Variants in CCDC88B observed in about 807,000 individuals in gnomAD.
CCDC88B encodes coiled-coil domain-containing protein 88B.
Under a neutral mutation model 183.7 loss-of-function variants are expected in CCDC88B, and 138 were observed. The ratio of observed to expected loss-of-function variants is 0.75; its 90% CI spans 0.65 to 0.87. The LOEUF is 0.87. Ranked by LOEUF, CCDC88B falls within the 40% of genes least tolerant of loss-of-function variation. The pLI is 0.00. For synonymous variants in CCDC88B, 835 were observed against 867.5 expected (o/e 0.96, Z 0.66); for missense variants, 1,822 against 1,965.6 (o/e 0.93, Z 1.38).
chr11:64,357,323 G>C lies in CCDC88B; in HGVS notation c.*229G>C. 1.4e-6 allele frequency: 1 copy of C among 721,736 alleles called. No homozygotes were observed. The highest frequency in any genetic ancestry group is 2.6e-6 in the Non-Finnish European group (1 of 388,798). The allele number at this position is 721,736 out of a possible 1,614,324, so 44.7% of individuals were successfully genotyped here. Reference sequence around the variant, plus strand: ...GGCCCCCACGAGCAGCTCCAGGCTGGAGTTCTGGTTCTTCCAGGTGGCTCC... The same window carrying C: ...GGCCCCCACGAGCAGCTCCAGGCTGCAGTTCTGGTTCTTCCAGGTGGCTCC... On this transcript the variant is annotated 3_prime_UTR_variant, in exon 27 of 27. Coordinates refer to ENST00000356786, the MANE Select transcript of CCDC88B (RefSeq NM_032251.6).
At chr11:64,348,935 C>T (rs752507628) in intron 14 of CCDC88B, 229 of 707,178 alleles carry the variant, frequency 3.2e-4, no homozygotes, top group Non-Finnish European at 4.8e-4. Context: ...CAAGGTCTCT[C>T]ACCCGACCCA....
chr11:64,342,210 C>T, intron 8 of CCDC88B, 71 bp downstream of exon 8: 1 of 1,584,840 alleles, frequency 6.3e-7, no homozygotes, highest in South Asian at 1.1e-5. Flanking sequence ...GACCCTAGCC[C>T]TGGTGGCTAC....
chr11:64,350,122 C>T (rs2036270175), intron 16 of CCDC88B: 2 of 188,672 alleles, frequency 1.1e-5, no homozygotes, highest in Non-Finnish European at 2.3e-5. Flanking sequence ...TAACTAGGTG[C>T]CAGGGGCTGT....
chr11:64,346,843 C>T (rs1273484524), intron 14 of CCDC88B, among the ~76,000 whole-genome samples: 1 of 150,160 alleles, frequency 6.7e-6, no homozygotes, highest in African/African-American at 2.5e-5. Context: ...CCCTCTGTCA[C>T]CAGGCTGGAG....
intron 3 of CCDC88B, 43 bp from the exon 4 acceptor site, chr11:64,341,066 C>T (rs1357210414): frequency 1.9e-6 from 3 of 1,613,694 alleles, no homozygotes; most frequent in Non-Finnish European, 2.5e-6. Context: ...AAGAGGAGCC[C>T]CTTCGGGAAG....
intron 24 of CCDC88B, among the ~76,000 whole-genome samples, chr11:64,354,718 A>G (rs1292314395): frequency 6.1e-5 from 1 of 16,300 alleles, no homozygotes; most frequent in Non-Finnish European, 1.2e-4. Flanking sequence ...CCTCCCCTGC[A>G]TGAACCTCAG....
At chr11:64,342,959 C>T (rs1297317146) in intron 10 of CCDC88B, among the ~76,000 whole-genome samples, 1 of 146,704 alleles carries the variant, frequency 6.8e-6, no homozygotes, top group Non-Finnish European at 1.5e-5. Flanking sequence ...AAGGGCGGGG[C>T]CTGCACAAAG....
rs760513236 is a variant in CCDC88B, at chr11:64,353,312, C to T, written c.3688-39C>T. On this transcript the variant is annotated intron_variant, in intron 21 of 26. Transcript: ENST00000356786. ...AAGCCTAGACCCAGGTGGTCCTGAG[C>T]TGGGTCCCACCCTCCGAGCCATGGT... 10 of 1,604,970 alleles carry T rather than the reference C, an allele frequency of 6.2e-6. No individual in the cohort carries two copies. The Admixed American group carries it at 1.0e-4, about 16-fold the overall frequency.
At chr11:64,342,220 C>A in intron 8 of CCDC88B, 74 bp from the exon 9 acceptor site, 1 of 1,580,024 alleles carries the variant, frequency 6.3e-7, no homozygotes, top group Non-Finnish European at 8.6e-7. Flanking sequence ...CTGGTGGCTA[C>A]GGGAGGGGTC....
rs757689018 is a variant in CCDC88B at position 64,343,622 on chromosome 11, G to GA, written c.1318+8dup. On this transcript the variant is annotated splice_region_variant and intron_variant, in intron 12 of 26. Transcript: ENST00000356786. ...CCAGGATCCCCTGGGGAGGGTGAGG[G>GA]ACCCCACTGGAAGGGCTGGGGTGGG... 2.4e-5 allele frequency: 37 copies of GA among 1,550,886 alleles called. No individual in the cohort carries two copies. The highest frequency in any genetic ancestry group is 2.9e-5 in the Non-Finnish European group (33 of 1,146,694).
Position 64,341,156 on chromosome 11 carries a change from A to T in CCDC88B, c.366A>T (p.Thr122=), listed in dbSNP as rs1319079536. The change falls in exon 4 of 27, where the codon ACA becomes ACT. Residue 122 remains threonine, a synonymous_variant. Transcript: ENST00000356786. ...TGTCGCCACCCCCAGACCTCCAGAC[A>T]TTGGGATTTGACCCTCTCTCAGGTG... ...LILSPPPDLQ[T]LGFDPLSEEA... 1 of 1,613,832 alleles carries T rather than the reference A, an allele frequency of 6.2e-7. No individual in the cohort carries two copies. Among genetic ancestry groups the T allele is most frequent in the African/African-American group, 1.3e-5 (1 of 74,818 alleles).
rs1001499368 is a variant in CCDC88B, at chr11:64,343,878, G to T, written c.1419G>T (p.Gly473=). Residue 473 remains glycine (G), a synonymous_variant, in exon 13 of 27, where the codon GGG becomes GGT. Coordinates refer to ENST00000356786, the MANE Select transcript of CCDC88B (RefSeq NM_032251.6). ...AGAGGGAGAACCGGGAGCTTCGGGG[G>T]CTGCTTCAGGTGCTTCAGGGGCAGC... ...TLERENRELR[G]LLQVLQGQPG... 15 of 1,605,476 alleles carry T rather than the reference G, an allele frequency of 9.3e-6. No homozygotes were observed. The highest frequency in any genetic ancestry group is 1.2e-5 in the Non-Finnish European group (14 of 1,176,462).
chr11:64,355,703 T>C, intron 26 of CCDC88B, 75 bp downstream of exon 26: 1 of 1,361,610 alleles, frequency 7.3e-7, no homozygotes, highest in Admixed American at 2.4e-5. Context: ...ATTCATCCAT[T>C]CTTTCATTCG....
Position 64,357,125 on chromosome 11 carries a change from G to A in CCDC88B, c.*31G>A. 2 of 1,613,382 alleles carry A rather than the reference G, an allele frequency of 1.2e-6. No homozygotes were observed. The highest frequency in any genetic ancestry group is 1.7e-6 in the Non-Finnish European group (2 of 1,179,510). ...TGGGAACAGCAGGCTTGGGAGTGCA[G>A]CCTTCTCGGCACTGGAGTGTCAGCG... On this transcript the variant is annotated 3_prime_UTR_variant, in exon 27 of 27. Transcript: ENST00000356786.
intron 9 of CCDC88B, 25 bp downstream of exon 9, chr11:64,342,400 C>G (rs1296238419): frequency 6.4e-7 from 1 of 1,558,462 alleles, no homozygotes; most frequent in Admixed American, 1.9e-5. Context: ...TCCCCGCCAC[C>G]GCGGCATTCC....
rs374358386 is a variant in CCDC88B at position 64,344,571 on chromosome 11, C to T, written c.2030C>T (p.Ala677Val). The T allele has an allele frequency of 1.2e-6, 2 of 1,607,078 alleles. No individual in the cohort carries two copies. Among genetic ancestry groups the T allele is most frequent in the African/African-American group, 2.7e-5 (2 of 74,736 alleles). The change falls in exon 14 of 27, where the codon GCA becomes GTA. Residue 677 changes from alanine to valine, a missense_variant. Transcript: ENST00000356786. The surrounding 1 kb of genome is among the most constrained non-coding windows in gnomAD (Gnocchi z 4.5). ...NQGLDLATGQ[A>V]EAREHDQRLE... ...GGCCTGGACCTGGCCACGGGACAAG[C>T]AGAGGCCAGAGAGCATGACCAGAGG... is the stretch of plus-strand genomic sequence containing the variant.
rs746698240 is a variant in CCDC88B at position 64,344,160 on chromosome 11, T to C, written c.1619T>C (p.Val540Ala). Residue 540 changes from valine to alanine, a missense_variant, in exon 14 of 27, where the codon GTG becomes GCG. Coordinates refer to ENST00000356786, the MANE Select transcript of CCDC88B (RefSeq NM_032251.6). The surrounding 1 kb of genome is among the most constrained non-coding windows in gnomAD (Gnocchi z 4.5). ...TTGGCTCCCCCGGCATTAGACTCAG[T>C]GCTCGAGGCATCAGCTGAGTGTCCC... The part of the protein sequence containing the change: ...LDLAPPALDS[V>A]LEASAECPQA... 2 of 1,613,076 alleles carry C rather than the reference T, an allele frequency of 1.2e-6. No individual in the cohort carries two copies. Among genetic ancestry groups the C allele is most frequent in the Admixed American group, 3.3e-5 (2 of 59,942 alleles).
chr11:64,344,580 G>C lies in CCDC88B; in HGVS notation c.2039G>C (p.Arg680Thr). 5 of 1,608,956 alleles carry C rather than the reference G, an allele frequency of 3.1e-6. No individual in the cohort carries two copies. The highest frequency in any genetic ancestry group is 4.2e-6 in the Non-Finnish European group (5 of 1,177,636). The change falls in exon 14 of 27, where the codon AGA becomes ACA. Residue 680 changes from arginine (R) to threonine (T), a missense_variant. By Grantham distance (71) the Arg-to-Thr change is moderately conservative (BLOSUM62 -1). Transcript: ENST00000356786. The surrounding 1 kb of genome is among the most constrained non-coding windows in gnomAD (Gnocchi z 4.5). ...LDLATGQAEA[R>T]EHDQRLEGTV... The stretch of plus-strand genomic sequence containing the variant: ...CTGGCCACGGGACAAGCAGAGGCCA[G>C]AGAGCATGACCAGAGGCTGGAAGGG...
rs1400937540 is a variant in CCDC88B at position 64,341,130 on chromosome 11, C to G, written c.340C>G (p.Leu114Val). The G allele has an allele frequency of 6.2e-7, 1 of 1,614,042 alleles. No individual in the cohort carries two copies. Among genetic ancestry groups the G allele is most frequent in the Non-Finnish European group, 8.5e-7 (1 of 1,180,030 alleles). The change falls in exon 4 of 27, where the codon CTG becomes GTG. Residue 114 changes from leucine to valine, a missense_variant. Physicochemically the swap from Leu to Val is conservative, Grantham distance 32. Coordinates refer to ENST00000356786, the MANE Select transcript of CCDC88B (RefSeq NM_032251.6). The part of the protein sequence containing the change: ...FYQEELQLLI[L>V]SPPPDLQTLG... ...CCAGGAGGAGCTGCAGCTGCTGATCCTGTCGCCACCCCCAGACCTCCAGAC... is the reference window on the plus strand; with the variant it reads ...CCAGGAGGAGCTGCAGCTGCTGATCGTGTCGCCACCCCCAGACCTCCAGAC...
Sources: gnomAD v4.1 joint callset for allele counts (sites outside exome capture counted in the v4.1 genomes callset) on GRCh38, gnomAD v4.1.1 for gene constraint, Gnocchi (gnomAD v3.1) non-coding constraint, MANE v1.5 for transcripts, NCBI Gene and HGNC (gene_info 2026-07-23, HGNC 2026-07-21) for gene names.